Variants in MYO5A observed in about 807,000 individuals in gnomAD.
The protein encoded by MYO5A is myosin VA.
In MYO5A, 98 loss-of-function variants were observed where a neutral mutation model predicts 249.7. That is an observed-to-expected ratio of 0.39 (90% confidence interval 0.33 to 0.46). The LOEUF (loss-of-function observed/expected upper bound fraction) is 0.46, where lower values mean the gene tolerates loss of function less well. MYO5A is among the 20% of genes least tolerant of loss of function. The pLI is 0.98. For synonymous variants in MYO5A, 778 were observed against 810.6 expected (o/e 0.96, Z 0.68); for missense variants, 1,696 against 2,308.8 (o/e 0.73, Z 5.44).
chr15:52,397,198 C>A lies in MYO5A; in HGVS notation c.1319+3G>T. The A allele has an allele frequency of 6.2e-7, 1 of 1,613,846 alleles. No individual in the cohort carries two copies. Among genetic ancestry groups the A allele is most frequent in the Non-Finnish European group, 8.5e-7 (1 of 1,179,954 alleles). ...GGCAGACCAATTAGCCAAATATACT[C>A]ACCCGTAAATGTCTAGCACACCAAT... On this transcript the variant is annotated splice_donor_region_variant and intron_variant, in intron 10 of 41. Transcript: ENST00000399233.
intron 6 of MYO5A, 28 bp from the exon 7 acceptor site, chr15:52,408,168 C>A: frequency 7.7e-7 from 1 of 1,306,252 alleles, no homozygotes; most frequent in Middle Eastern, 1.9e-4. Context: ...TTTTCAATTA[C>A]AGCATTTTAA....
intron 34 of MYO5A, chr15:52,331,587 G>T: frequency 1.3e-6 from 1 of 746,282 alleles, no homozygotes; most frequent in Non-Finnish European, 1.6e-6. Flanking sequence ...GCTTAATATT[G>T]CTGACTCCAC....
intron 31 of MYO5A, among the ~76,000 whole-genome samples, chr15:52,341,225 C>T (rs912277234): frequency 6.6e-6 from 1 of 152,108 alleles, no homozygotes; most frequent in African/African-American, 2.4e-5. Context: ...GGCTGGAACA[C>T]CACTCCAGCC....
intron 19 of MYO5A, 110 bp from the exon 20 acceptor site, chr15:52,375,570 T>A: frequency 9.0e-7 from 1 of 1,109,166 alleles, no homozygotes. Context: ...AGTACCTCCA[T>A]TGTATTATTC....
intron 1 of MYO5A, among the ~76,000 whole-genome samples, chr15:52,436,675 C>A (rs1465239675): frequency 2.6e-5 from 4 of 152,104 alleles, no homozygotes; most frequent in Non-Finnish European, 5.9e-5. Flanking sequence ...ACACAGCAGG[C>A]AGTACTTAGA....
At chr15:52,379,996 C>T (rs879653536) in intron 16 of MYO5A, 88 bp from the exon 17 acceptor site, 41 of 1,303,432 alleles carry the variant, frequency 3.1e-5, no homozygotes, top group Admixed American at 8.8e-5. Flanking sequence ...TAAATTCTTT[C>T]GTAAGAGCAA....
chr15:52,471,538 T>G (rs1055324143), intron 1 of MYO5A, among the ~76,000 whole-genome samples: 1 of 151,522 alleles, frequency 6.6e-6, no homozygotes, highest in African/African-American at 2.4e-5. Context: ...GAGGATCGTT[T>G]GAGCCCAGCA....
chr15:52,396,995 T>C, intron 10 of MYO5A, among the ~76,000 whole-genome samples: 1 of 152,254 alleles, frequency 6.6e-6, no homozygotes, highest in East Asian at 1.9e-4. Flanking sequence ...AAATTAGCTC[T>C]AGATGTGAAC....
chr15:52,397,157 G>C (rs1352060556), intron 10 of MYO5A, 44 bp downstream of exon 10: 1 of 1,605,268 alleles, frequency 6.2e-7, no homozygotes, highest in Non-Finnish European at 8.5e-7. Flanking sequence ...ATAAGTTCTA[G>C]AAAGAAATGT....
intron 38 of MYO5A, among the ~76,000 whole-genome samples, chr15:52,319,871 G>A (rs2038216999): frequency 6.6e-6 from 1 of 152,216 alleles, no homozygotes; most frequent in Non-Finnish European, 1.5e-5. Flanking sequence ...ACTTAATGGT[G>A]TCTTTTCTAA....
chr15:52,329,929 T>G (rs1459385362), intron 35 of MYO5A, among the ~76,000 whole-genome samples: 2 of 106,594 alleles, frequency 1.9e-5, no homozygotes, highest in East Asian at 3.7e-4. Context: ...TTTTTTTTTT[T>G]TTGGAGAGAT....
At position 52,353,641 on chromosome 15, in the gene MYO5A, T is replaced by C; in HGVS notation, c.3585A>G (p.Gln1195=). The change falls in exon 27 of 42, where the codon CAA becomes CAG. Residue 1195 remains glutamine (Q), a synonymous_variant. Coordinates refer to ENST00000399233, the MANE Select transcript of MYO5A (RefSeq NM_001382347.1). The part of the protein sequence containing the change: ...RSKAKEEERP[Q]IRGAELEYES... ...CATATTCCAGTTCTGCACCTCTAAT[T>C]TGTGGTCTTTCTTCTTCCTAGGGAA... 2 of 1,613,872 alleles carry C rather than the reference T, an allele frequency of 1.2e-6. No homozygotes were observed. Among genetic ancestry groups the C allele is most frequent in the Non-Finnish European group, 1.7e-6 (2 of 1,179,738 alleles).
At chr15:52,409,597 C>A (rs552452816) in intron 6 of MYO5A, among the ~76,000 whole-genome samples, 2 of 152,264 alleles carry the variant, frequency 1.3e-5, no homozygotes, top group South Asian at 4.1e-4. Context: ...TGTTACATGG[C>A]AGTGTCAAGG....
At chr15:52,395,434 T>C (rs2042447881) in intron 11 of MYO5A, among the ~76,000 whole-genome samples, 1 of 152,110 alleles carries the variant, frequency 6.6e-6, no homozygotes, top group South Asian at 2.1e-4. Context: ...TGAGGATTTA[T>C]TAAGGGTGTC....
chr15:52,334,993 C>A (rs1471233674), intron 34 of MYO5A, among the ~76,000 whole-genome samples: 1 of 152,150 alleles, frequency 6.6e-6, no homozygotes, highest in African/African-American at 2.4e-5. Context: ...ACAGAAGGAG[C>A]AGTTATGACA....
chr15:52,340,685 G>A (rs1437606114), intron 31 of MYO5A, among the ~76,000 whole-genome samples: 4 of 152,106 alleles, frequency 2.6e-5, no homozygotes, highest in African/African-American at 4.8e-5. Flanking sequence ...GGTGGCTCAC[G>A]CCTGTAATCT....
At chr15:52,502,043 T>C (rs2077170358) in intron 1 of MYO5A, among the ~76,000 whole-genome samples, 1 of 152,180 alleles carries the variant, frequency 6.6e-6, no homozygotes. Context: ...TAAATTTTTG[T>C]TTGGGAGGCC....
intron 16 of MYO5A, among the ~76,000 whole-genome samples, chr15:52,380,705 T>C (rs1186124701): frequency 6.6e-6 from 1 of 152,124 alleles, no homozygotes; most frequent in Non-Finnish European, 1.5e-5. Context: ...AGGCAGAGGT[T>C]GCAGTGAGCC....
At chr15:52,443,147 T>C (rs2075819049) in intron 1 of MYO5A, among the ~76,000 whole-genome samples, 1 of 152,170 alleles carries the variant, frequency 6.6e-6, no homozygotes, top group African/African-American at 2.4e-5. Context: ...GCCCATGTCA[T>C]CTGGTGAAAC....
Sources: allele counts gnomAD v4.1 joint callset (sites outside exome capture counted in the v4.1 genomes callset), GRCh38; gene constraint gnomAD v4.1.1; transcripts MANE v1.5; gene names NCBI Gene and HGNC (gene_info 2026-07-23, HGNC 2026-07-21).